Variants in RP1 observed in about 807,000 individuals in gnomAD.
RP1 encodes the protein oxygen-regulated protein 1.
RP1 carries 16 observed loss-of-function variants against 14.8 expected under a neutral mutation model. The observed-to-expected ratio is 1.08, with a 90% CI of 0.73 to 1.65. The LOEUF is 1.65. Ranked by LOEUF, RP1 falls within the 40% of genes most tolerant of loss-of-function variation. RP1 has a pLI of 0.00. For synonymous variants in RP1, 876 were observed against 883.6 expected (o/e 0.99, Z 0.15); for missense variants, 2,631 against 2,535.0 (o/e 1.04, Z -0.81).
chr8:54,657,875 C>T (rs1425665541), intron 6 of RP1, among the ~76,000 whole-genome samples: 1 of 152,192 alleles, frequency 6.6e-6, no homozygotes, highest in Non-Finnish European at 1.5e-5. Flanking sequence ...GGCTCACAGT[C>T]TGTGTGAGCT....
chr8:54,605,910 C>T (rs890524396), intron 1 of RP1, among the ~76,000 whole-genome samples: 22 of 146,224 alleles, frequency 1.5e-4, no homozygotes, highest in African/African-American at 5.8e-4. Context: ...TCCTCCATCC[C>T]TTTATTTTGA....
intron 7 of RP1, among the ~76,000 whole-genome samples, chr8:54,672,012 A>G (rs1807192183): frequency 6.6e-6 from 1 of 151,994 alleles, no homozygotes; most frequent in Admixed American, 6.6e-5. Context: ...GAGGTTTGGG[A>G]CCTCTCAAAC....
intron 24 of RP1, among the ~76,000 whole-genome samples, chr8:54,825,857 G>T (rs1190893975): frequency 6.6e-6 from 1 of 151,966 alleles, no homozygotes; most frequent in Non-Finnish European, 1.5e-5. Flanking sequence ...AATGCTTGAA[G>T]CCAGGAGCTT....
intron 17 of RP1, among the ~76,000 whole-genome samples, chr8:54,733,661 T>A (rs1401838416): frequency 6.6e-6 from 1 of 152,104 alleles, no homozygotes; most frequent in South Asian, 2.1e-4. Flanking sequence ...CTTTTAACCA[T>A]TTGACATGAA....
chr8:54,693,279 T>C (rs936069943), intron 12 of RP1, among the ~76,000 whole-genome samples: 1 of 152,154 alleles, frequency 6.6e-6, no homozygotes, highest in Non-Finnish European at 1.5e-5. Context: ...TCTTTTGGCT[T>C]AGGATTGACT....
At chr8:54,728,108 A>T (rs986990221) in intron 17 of RP1, among the ~76,000 whole-genome samples, 2 of 152,080 alleles carry the variant, frequency 1.3e-5, no homozygotes, top group African/African-American at 4.8e-5. Flanking sequence ...TGCCCATGAT[A>T]TGGTTAAATT....
chr8:54,576,767 G>T (rs993438303), intron 1 of RP1, among the ~76,000 whole-genome samples: 34 of 152,198 alleles, frequency 2.2e-4, no homozygotes, highest in African/African-American at 8.0e-4. Flanking sequence ...TCCACTTTGG[G>T]TCTGGAAATT....
intron 1 of RP1, among the ~76,000 whole-genome samples, chr8:54,563,818 G>A (rs1331572459): frequency 2.0e-5 from 3 of 152,052 alleles, no homozygotes; most frequent in African/African-American, 7.2e-5. Context: ...CAAAGTGTTG[G>A]GATTATAGAC....
chr8:54,629,715 A>T lies in RP1; in HGVS notation c.5833A>T (p.Asn1945Tyr). The T allele has an allele frequency of 6.2e-7, 1 of 1,612,244 alleles. No homozygotes were observed. Among genetic ancestry groups the T allele is most frequent in the Non-Finnish European group, 8.5e-7 (1 of 1,179,120 alleles). ...FAYRKESDIE[N>Y]FLGFYLWMKI... Reference sequence around the variant, plus strand: ...ATATCGCAAAGAATCTGATATTGAAAATTTCTTGGGTTTTTATTTATGGAT... The same window carrying T: ...ATATCGCAAAGAATCTGATATTGAATATTTCTTGGGTTTTTATTTATGGAT... The change falls in exon 4 of 4, where the codon AAT (asparagine) becomes TAT (tyrosine). Residue 1945 changes from asparagine to tyrosine, a missense_variant. Physicochemically the swap from Asn to Tyr is moderately radical, Grantham distance 143. Transcript: ENST00000220676.
In RP1 at chr8:54,626,035, A is replaced by G. The variant is rs1465609803; in HGVS notation, c.2153A>G (p.Asp718Gly). 1 of 1,613,988 alleles carries G rather than the reference A, an allele frequency of 6.2e-7. No individual in the cohort carries two copies. The highest frequency in any genetic ancestry group is 1.1e-5 in the South Asian group (1 of 91,064). ...ITKEMIVQDS[D>G]SPLKGGILCE... is the part of the protein sequence containing the mutation. Reference sequence around the variant, plus strand: ...AAGGAAATGATAGTGCAAGATTCAGATAGTCCCCTTAAAGGAGGGATACTT... The same window carrying G: ...AAGGAAATGATAGTGCAAGATTCAGGTAGTCCCCTTAAAGGAGGGATACTT... The change falls in exon 4 of 4, where the codon GAT becomes GGT. Residue 718 changes from aspartate (D) to glycine (G), a missense_variant. Coordinates refer to ENST00000220676, the MANE Select transcript of RP1 (RefSeq NM_006269.2).
At chr8:54,735,890 TG>T (rs2129356727) in intron 18 of RP1, among the ~76,000 whole-genome samples, 1 of 152,328 alleles carries the variant, frequency 6.6e-6, no homozygotes, top group East Asian at 1.9e-4. Flanking sequence ...AATGTTTTTC[TG>T]AAAAATTTAC....
chr8:54,760,871 G>C (rs1349427934), intron 22 of RP1, among the ~76,000 whole-genome samples: 1 of 152,086 alleles, frequency 6.6e-6, no homozygotes, highest in Non-Finnish European at 1.5e-5. Flanking sequence ...AAACTACAAA[G>C]ATTTTTTCTC....
chr8:54,703,813 G>C (rs1285664358), intron 14 of RP1, among the ~76,000 whole-genome samples: 1 of 152,152 alleles, frequency 6.6e-6, no homozygotes, highest in East Asian at 1.9e-4. Flanking sequence ...ATCAGTACTT[G>C]CTGCTTTACC....
Position 54,630,688 on chromosome 8 carries a change from T to C in RP1, c.*335T>C. On this transcript the variant is annotated 3_prime_UTR_variant, in exon 4 of 4. Coordinates refer to ENST00000220676, the MANE Select transcript of RP1 (RefSeq NM_006269.2). ...AGAATTATATCCTTTTTAAAAAATG[T>C]TGTTAGCTTGGTGTAAAATGTATAT... 1.8e-6 allele frequency: 2 copies of C among 1,102,336 alleles called. No homozygotes were observed. Among genetic ancestry groups the C allele is most frequent in the Non-Finnish European group, 1.1e-6 (1 of 903,148 alleles). The allele number at this position is 1,102,336 out of a possible 1,614,324, so 68.3% of individuals were successfully genotyped here.
chr8:54,857,710 G>C (rs1186166441), intron 27 of RP1, among the ~76,000 whole-genome samples: 2 of 152,048 alleles, frequency 1.3e-5, no homozygotes, highest in Non-Finnish European at 2.9e-5. Context: ...CATGTCTGTT[G>C]TGTCTGTCCC....
chr8:54,638,449 A>T (rs940489838), intron 3 of RP1, among the ~76,000 whole-genome samples: 2 of 152,114 alleles, frequency 1.3e-5, no homozygotes, highest in African/African-American at 4.8e-5. Context: ...AAAAAAAAAA[A>T]AAAACATACC....
At chr8:54,758,967 A>G (rs1809571964) in exon 22 of RP1, 1 of 1,535,762 alleles carries the variant, frequency 6.5e-7, no homozygotes, top group African/African-American at 1.4e-5. Context: ...AAAACTGCAG[A>G]AGGTGCTGTT....
intron 24 of RP1, among the ~76,000 whole-genome samples, chr8:54,799,653 A>G (rs1289075610): frequency 6.6e-6 from 1 of 151,208 alleles, no homozygotes; most frequent in Non-Finnish European, 1.5e-5. Flanking sequence ...TTTTTCTTTT[A>G]TCAAAAGCTT....
chr8:54,831,377 CT>C (rs1811519983), intron 24 of RP1, among the ~76,000 whole-genome samples: 1 of 112,732 alleles, frequency 8.9e-6, no homozygotes. Context: ...CTTTCTTTCT[CT>C]TTTTTGGGAT....
Sources: allele counts gnomAD v4.1 joint callset (sites outside exome capture counted in the v4.1 genomes callset), GRCh38; gene constraint gnomAD v4.1.1; transcripts MANE v1.5; gene names NCBI Gene and HGNC (gene_info 2026-07-23, HGNC 2026-07-21).